ADCY3: variants seen among roughly 807,000 people sequenced by gnomAD.
ADCY3 encodes the protein adenylate cyclase type 3.
Under a neutral mutation model 119.4 loss-of-function variants are expected in ADCY3, and 70 were observed. That is an observed-to-expected ratio of 0.59 (90% CI 0.48 to 0.72). ADCY3 has a LOEUF of 0.72. Among genes scored for constraint, ADCY3 ranks in the 30% least tolerant of loss-of-function variants. The pLI, the probability that ADCY3 is intolerant of heterozygous loss-of-function variation, is 0.00. For missense variants in ADCY3, 1,238 were observed against 1,541.6 expected (o/e 0.80, Z 3.30); for synonymous variants, 672 against 621.4 (o/e 1.08, Z -1.21).
chr2:24,863,526 C>T (rs1197308117), intron 3 of ADCY3, among the ~76,000 whole-genome samples: 3 of 152,074 alleles, frequency 2.0e-5, no homozygotes, highest in Non-Finnish European at 4.4e-5. Flanking sequence ...TAGTTCTGTC[C>T]CTCTAGAGAA....
At chr2:24,889,532 G>A (rs571556689) in intron 2 of ADCY3, among the ~76,000 whole-genome samples, 3 of 152,262 alleles carry the variant, frequency 2.0e-5, no homozygotes, top group South Asian at 4.1e-4. Flanking sequence ...CAAAACATAA[G>A]TTCAAAAATA....
In ADCY3 at chr2:24,878,304, G is replaced by A. The variant is rs976979559; in HGVS notation, c.676-5585C>T. ...AAAATCCTCCCTCCTGGAAGTTTAC[G>A]CATCGCAAGATCCTTCACGTTTGCT... On this transcript the variant is annotated intron_variant, in intron 2 of 21. Transcript: ENST00000679454. The surrounding 1 kb of genome is among the most constrained non-coding windows in gnomAD (Gnocchi z 4.0). Among the ~76,000 whole-genome samples, 1 of 152,050 alleles carries A rather than the reference G, an allele frequency of 6.6e-6. No homozygotes were observed. The highest frequency in any genetic ancestry group is 2.4e-5 in the African/African-American group (1 of 41,396).
intron 2 of ADCY3, among the ~76,000 whole-genome samples, chr2:24,884,004 T>C (rs974938791): frequency 1.3e-5 from 2 of 152,246 alleles, no homozygotes; most frequent in Admixed American, 1.3e-4. Context: ...AGCTTTCTCC[T>C]GGGGATTTGA....
intron 6 of ADCY3, chr2:24,840,721 T>G (rs1670897581): frequency 5.6e-6 from 2 of 355,578 alleles, no homozygotes; most frequent in Admixed American, 7.4e-5. Flanking sequence ...GCAAGCCCAC[T>G]TGGAGCAGGG....
chr2:24,894,900 ACTTT>A (rs962858360), intron 2 of ADCY3, among the ~76,000 whole-genome samples: 1 of 152,170 alleles, frequency 6.6e-6, no homozygotes, highest in Non-Finnish European at 1.5e-5. Flanking sequence ...AGATTGACCT[ACTTT>A]CTTTTTCAGT....
chr2:24,886,943 C>T (rs1348381791), intron 2 of ADCY3, among the ~76,000 whole-genome samples: 1 of 152,232 alleles, frequency 6.6e-6, no homozygotes, highest in Non-Finnish European at 1.5e-5. Context: ...CTCGACAGTC[C>T]CCCACAAGTG....
rs1670003287 is a variant in ADCY3, at chr2:24,834,385, C to G, written c.1967+100G>C. 1.4e-5 allele frequency: 20 copies of G among 1,406,638 alleles called. No individual in the cohort carries two copies. In the South Asian group the frequency reaches 2.3e-4, roughly 16 times the overall value. 87.1% of individuals were successfully genotyped at this position (1,406,638 alleles called of 1,614,324 possible). ...GGGTCAGGGAGCAGAGACTGGCTTGCTCCCCAATGTCAGGCTCCCGCTGAG... is the reference window on the plus strand; with the variant it reads ...GGGTCAGGGAGCAGAGACTGGCTTGGTCCCCAATGTCAGGCTCCCGCTGAG... On this transcript the variant is annotated intron_variant, in intron 11 of 21. Coordinates refer to ENST00000679454, the MANE Select transcript of ADCY3 (RefSeq NM_004036.5). This position sits in a 1 kb window ranked among gnomAD's most constrained non-coding sequence, Gnocchi z 4.2.
intron 2 of ADCY3, among the ~76,000 whole-genome samples, chr2:24,915,784 G>A (rs188342542): frequency 7.9e-5 from 12 of 152,152 alleles, no homozygotes; most frequent in Admixed American, 3.3e-4. Flanking sequence ...CAGGTGATCC[G>A]CCCGCCTCAG....
chr2:24,859,721 G>A (rs1673412011), intron 3 of ADCY3, among the ~76,000 whole-genome samples: 1 of 152,172 alleles, frequency 6.6e-6, no homozygotes, highest in South Asian at 2.1e-4. Flanking sequence ...AGACCGGCAT[G>A]AAGGAAAAAC....
intron 2 of ADCY3, among the ~76,000 whole-genome samples, chr2:24,892,253 C>CTTTT (rs34728703): frequency 6.9e-6 from 1 of 144,242 alleles, no homozygotes; most frequent in Non-Finnish European, 1.5e-5. Flanking sequence ...TGTATTGAGT[C>CTTTT]TTTTTTTTTT....
chr2:24,850,942 T>C (rs1486549524), intron 3 of ADCY3, among the ~76,000 whole-genome samples: 1 of 152,248 alleles, frequency 6.6e-6, no homozygotes, highest in Non-Finnish European at 1.5e-5. Context: ...CAGAAGGCTA[T>C]ATGCAAAGAG....
intron 2 of ADCY3, among the ~76,000 whole-genome samples, chr2:24,911,678 A>T (rs554770404): frequency 7.3e-6 from 1 of 136,498 alleles, no homozygotes; most frequent in East Asian, 2.0e-4. Context: ...ACACACCACC[A>T]AGCCCAGCTG....
chr2:24,853,346 G>A (rs1228744249), intron 3 of ADCY3, among the ~76,000 whole-genome samples: 3 of 152,130 alleles, frequency 2.0e-5, no homozygotes, highest in African/African-American at 7.2e-5. Flanking sequence ...ACAGGGCAGC[G>A]CCCAGGGGGC....
chr2:24,837,152 T>G, intron 8 of ADCY3, 107 bp from the exon 9 acceptor site: 1 of 1,304,090 alleles, frequency 7.7e-7, no homozygotes. Flanking sequence ...GAGAGCAATC[T>G]GAGGCCACAG....
At chr2:24,903,719 G>A (rs1679165982) in intron 2 of ADCY3, among the ~76,000 whole-genome samples, 1 of 152,172 alleles carries the variant, frequency 6.6e-6, no homozygotes, top group African/African-American at 2.4e-5. Flanking sequence ...AGGGGTAGGA[G>A]GGTGCGGGGG....
chr2:24,848,662 A>G (rs1233597787), intron 3 of ADCY3, among the ~76,000 whole-genome samples: 1 of 152,232 alleles, frequency 6.6e-6, no homozygotes, highest in East Asian at 1.9e-4. Context: ...CACTTAGAAC[A>G]GTGCCTGGCC....
rs540067120 is a variant in ADCY3 at position 24,889,611 on chromosome 2, T to C, written c.676-16892A>G. ...CAGCACTTTGGGAGGCTGAGGCGAG[T>C]GGGCCACTTGAGGTCAGGAGTTTGA... On this transcript the variant is annotated intron_variant, in intron 2 of 21. Transcript: ENST00000679454. 1.2e-3 allele frequency among the ~76,000 whole-genome samples: 175 copies of C among 152,122 alleles called. 1 individual carries two copies. Among genetic ancestry groups the C allele is most frequent in the African/African-American group, 4.1e-3 (169 of 41,496 alleles).
At chr2:24,866,642 G>A (rs1674354581) in intron 3 of ADCY3, among the ~76,000 whole-genome samples, 1 of 150,474 alleles carries the variant, frequency 6.6e-6, no homozygotes, top group African/African-American at 2.4e-5. Flanking sequence ...CATACCCATT[G>A]GTATTATTAT....
intron 2 of ADCY3, among the ~76,000 whole-genome samples, chr2:24,884,268 A>G (rs1433547388): frequency 6.6e-6 from 1 of 152,140 alleles, no homozygotes; most frequent in African/African-American, 2.4e-5. Context: ...AATCCCCGGC[A>G]TCTGCATCTG....
Sources: allele counts gnomAD v4.1 joint callset (sites outside exome capture counted in the v4.1 genomes callset), GRCh38; gene constraint gnomAD v4.1.1; non-coding constraint Gnocchi (gnomAD v3.1); transcripts MANE v1.5; gene names NCBI Gene and HGNC (gene_info 2026-07-23, HGNC 2026-07-21).